MASP2: variants seen among roughly 807,000 people sequenced by gnomAD.
The protein encoded by MASP2 is MBL associated serine protease 2.
MASP2 carries 49 observed loss-of-function variants against 57.1 expected under a neutral mutation model. The ratio of observed to expected loss-of-function variants is 0.86; its 90% CI spans 0.68 to 1.09. MASP2 has a LOEUF of 1.09. Ranked by LOEUF, MASP2 falls within the 50% of genes least tolerant of loss-of-function variation. MASP2 has a pLI of 0.00. For synonymous variants in MASP2, 379 were observed against 340.8 expected, an observed-to-expected ratio of 1.11 and a Z score of -1.24; for missense variants, 900 against 874.8, an observed-to-expected ratio of 1.03 and a Z score of -0.36.
intron 10 of MASP2, 49 bp from the exon 11 acceptor site, chr1:11,027,697 G>A (rs777536739): frequency 2.6e-5 from 40 of 1,524,464 alleles, no homozygotes; most frequent in African/African-American, 5.6e-5. Flanking sequence ...AATGTCAATC[G>A]TGTTTTTCTT....
intron 10 of MASP2, among the ~76,000 whole-genome samples, chr1:11,027,888 T>A (rs1460476787): frequency 6.6e-6 from 1 of 152,188 alleles, no homozygotes; most frequent in Non-Finnish European, 1.5e-5. Context: ...AAACTGACTT[T>A]TAGAAGTTAT....
intron 8 of MASP2, among the ~76,000 whole-genome samples, chr1:11,033,119 G>A (rs993426111): frequency 6.6e-6 from 1 of 150,978 alleles, no homozygotes; most frequent in Non-Finnish European, 1.5e-5. Context: ...CCCTGAGGGC[G>A]GGAGTTCGAG....
intron 8 of MASP2, among the ~76,000 whole-genome samples, chr1:11,032,160 C>T (rs377144563): frequency 6.5e-4 from 98 of 151,830 alleles, no homozygotes; most frequent in African/African-American, 2.2e-3. Flanking sequence ...CACTTGAGCC[C>T]GGGAGTTTGA....
At position 11,030,809 on chromosome 1, in the gene MASP2, G is replaced by T. The variant is rs772959146; in HGVS notation, c.1161C>A (p.Thr387=). 1 of 1,614,000 alleles carries T rather than the reference G, an allele frequency of 6.2e-7. No homozygotes were observed. The highest frequency in any genetic ancestry group is 1.1e-5 in the South Asian group (1 of 91,076). Residue 387 remains threonine (T), a synonymous_variant, in exon 9 of 11, where the codon ACC becomes ACA. Transcript: ENST00000400897. ...VEYITGPGVT[T]YKAVIQYSCE... ...AGCTGTACTGAATCACAGCTTTGTA[G>T]GTGGTCACTCCAGGACCTGTGATGT...
Position 11,027,733 on chromosome 1 carries a change from A to G in MASP2, c.1298-85T>C. On this transcript the variant is annotated intron_variant, in intron 10 of 10. Coordinates refer to ENST00000400897, the MANE Select transcript of MASP2 (RefSeq NM_006610.4). ...AAATTATGACCGCCTTGAAGTATAT[A>G]TTTGATGTCAACCAAAAATTATATT... 4 of 1,428,588 alleles carry G rather than the reference A, an allele frequency of 2.8e-6. No individual in the cohort carries two copies. In the South Asian group the frequency reaches 5.6e-5, roughly 20 times the overall value. 88.5% of individuals were successfully genotyped at this position (1,428,588 alleles called of 1,614,324 possible).
Position 11,026,650 on chromosome 1 carries a change from G to C in MASP2, c.*235C>G. 2.7e-6 allele frequency: 1 copy of C among 365,894 alleles called. No individual in the cohort carries two copies. The highest frequency in any genetic ancestry group is 4.6e-5 in the Admixed American group (1 of 21,890). 22.7% of individuals were successfully genotyped at this position (365,894 alleles called of 1,614,324 possible). A position where few individuals can be genotyped will look rare whatever the true frequency, so the allele number is the denominator to read the frequency against. On this transcript the variant is annotated 3_prime_UTR_variant, in exon 11 of 11. Coordinates refer to ENST00000400897, the MANE Select transcript of MASP2 (RefSeq NM_006610.4). ...AATTTGAGCAGTGACATTACACTGG[G>C]TGGGCAAAGATGACTGTCACTCTCG...
At chr1:11,041,933 GGTAGAA>G (rs1490000794) in intron 6 of MASP2, among the ~76,000 whole-genome samples, 1 of 150,342 alleles carries the variant, frequency 6.7e-6, no homozygotes, top group Non-Finnish European at 1.5e-5. Flanking sequence ...AGGATGGGTA[GGTAGAA>G]GTATAAGTGG....
rs1643829384 is a variant in MASP2, at chr1:11,030,728, A to G, written c.1222+20T>C. ...AAGTTCCAAGTATTGCCCACCCCCA[A>G]CTTTGAAGAATTTGCATACCATCAT... is the stretch of plus-strand genomic sequence containing the variant. On this transcript the variant is annotated intron_variant, in intron 9 of 10. Transcript: ENST00000400897. 1.3e-6 allele frequency: 2 copies of G among 1,583,864 alleles called. No homozygotes were observed. The highest frequency in any genetic ancestry group is 1.9e-5 in the Admixed American group (1 of 53,548).
At chr1:11,044,015 A>T (rs918756997) in intron 4 of MASP2, among the ~76,000 whole-genome samples, 1 of 152,092 alleles carries the variant, frequency 6.6e-6, no homozygotes, top group Admixed American at 6.5e-5. Context: ...CTCGAGCCTA[A>T]GGGCCCCTTC....
At chr1:11,037,967 T>A (rs1638304945) in intron 6 of MASP2, among the ~76,000 whole-genome samples, 156 bp from the exon 7 acceptor site, 1 of 152,192 alleles carries the variant, frequency 6.6e-6, no homozygotes, top group Non-Finnish European at 1.5e-5. Flanking sequence ...AAAGGCAAGA[T>A]TAAACTCTCA....
chr1:11,027,514 C>T lies in MASP2; in HGVS notation c.1432G>A (p.Val478Ile). The T allele has an allele frequency of 6.2e-7, 1 of 1,614,134 alleles. No homozygotes were observed. Among genetic ancestry groups the T allele is most frequent in the Admixed American group, 1.7e-5 (1 of 60,014 alleles). Residue 478 changes from valine to isoleucine, a missense_variant, in exon 11 of 11, where the codon GTC becomes ATC. By Grantham distance (29) the Val-to-Ile change is conservative. Transcript: ENST00000400897. Reference sequence around the variant, plus strand: ...TAGACGGCATGAGCAGCTGTTAGGACCCAGTTGTCATATAAAAGTGCACCT... The same window carrying T: ...TAGACGGCATGAGCAGCTGTTAGGATCCAGTTGTCATATAAAAGTGCACCT... The part of the protein sequence containing the change: ...AAGALLYDNW[V>I]LTAAHAVYEQ...
intron 7 of MASP2, 146 bp from the exon 8 acceptor site, chr1:11,035,052 G>A (rs1481023663): frequency 3.5e-6 from 2 of 572,434 alleles, no homozygotes; most frequent in Non-Finnish European, 6.2e-6. Context: ...GTATCTGCGT[G>A]TGCTGGGGTT....
chr1:11,027,404 A>G lies in MASP2; in HGVS notation c.1542T>C (p.Ser514=). The G allele has an allele frequency of 6.2e-7, 1 of 1,614,256 alleles. No homozygotes were observed. The highest frequency in any genetic ancestry group is 8.5e-7 in the Non-Finnish European group (1 of 1,180,046). The change falls in exon 11 of 11, where the codon TCT becomes TCC. Residue 514 remains serine, a synonymous_variant. Transcript: ENST00000400897. ...AACCTTCATGTATAAAAACAGCTTC[A>G]GACCAGGCTTGTGTATAATGAGGTG... ...RLSPHYTQAW[S]EAVFIHEGYT...
At chr1:11,041,196 A>T (rs574000831) in intron 6 of MASP2, among the ~76,000 whole-genome samples, 82 of 147,276 alleles carry the variant, frequency 5.6e-4, no homozygotes, top group South Asian at 6.7e-4. Context: ...GGATGGAAGG[A>T]TGTGTTGGTA....
chr1:11,040,976 T>A (rs541735098), intron 6 of MASP2, among the ~76,000 whole-genome samples: 63 of 149,850 alleles, frequency 4.2e-4, no homozygotes, highest in African/African-American at 1.5e-3. Context: ...GATGGATGGA[T>A]GGATAGATAG....
At position 11,027,103 on chromosome 1, in the gene MASP2, TAGC is replaced by T; in HGVS notation, c.1840_1842del (p.Ala614del). ...CTTTCTAAGCCAGCACAAAGCATGT[TAGC>T]AGTTACACTTCCCCTTGGATAGGGT... On this transcript the variant is annotated inframe_deletion, in exon 11 of 11. Coordinates refer to ENST00000400897, the MANE Select transcript of MASP2 (RefSeq NM_006610.4). The T allele has an allele frequency of 6.2e-7, 1 of 1,608,078 alleles. No individual in the cohort carries two copies. The highest frequency in any genetic ancestry group is 8.5e-7 in the Non-Finnish European group (1 of 1,176,778).
intron 8 of MASP2, among the ~76,000 whole-genome samples, chr1:11,032,710 A>C (rs1209667529): frequency 6.6e-6 from 1 of 152,058 alleles, no homozygotes; most frequent in African/African-American, 2.4e-5. Context: ...GGAGTTCAAG[A>C]CCAGCCTGGC....
intron 7 of MASP2, 61 bp from the exon 8 acceptor site, chr1:11,034,967 G>T (rs1001671899): frequency 8.1e-7 from 1 of 1,240,060 alleles, no homozygotes; most frequent in Non-Finnish European, 1.1e-6. Context: ...ACTCCCCAAA[G>T]CTGTGCTCTC....
chr1:11,034,627 A>C (rs1643874805), intron 8 of MASP2, among the ~76,000 whole-genome samples: 1 of 150,416 alleles, frequency 6.6e-6, no homozygotes, highest in Admixed American at 6.6e-5. Flanking sequence ...AAGCCTGGAA[A>C]GATAGAAATT....
Sources: allele counts gnomAD v4.1 joint callset (sites outside exome capture counted in the v4.1 genomes callset), GRCh38; gene constraint gnomAD v4.1.1; transcripts MANE v1.5; gene names NCBI Gene and HGNC (gene_info 2026-07-23, HGNC 2026-07-21).